Variants in FSTL4 observed in about 807,000 individuals in gnomAD.
The protein encoded by FSTL4 is follistatin like 4, also known as follistatin-related protein 4.
A neutral mutation model predicts 78.2 loss-of-function variants in FSTL4; 28 were observed. The observed-to-expected ratio is 0.36, with a 90% CI of 0.27 to 0.49. The LOEUF (loss-of-function observed/expected upper bound fraction) is 0.49, where lower values mean the gene tolerates loss of function less well. FSTL4 is among the 20% of genes least tolerant of loss of function. The pLI, the probability that FSTL4 is intolerant of heterozygous loss-of-function variation, is 0.98. For synonymous variants in FSTL4, 422 were observed against 440.5 expected (o/e 0.96, Z 0.53); for missense variants, 922 against 1,084.9 (o/e 0.85, Z 2.11).
At chr5:133,205,199 CT>C (rs1750457531) in intron 14 of FSTL4, among the ~76,000 whole-genome samples, 1 of 152,046 alleles carries the variant, frequency 6.6e-6, no homozygotes, top group African/African-American at 2.4e-5. Context: ...TTAAGAATGC[CT>C]GCTGTATTTA....
intron 3 of FSTL4, among the ~76,000 whole-genome samples, chr5:133,433,194 C>T (rs1032557440): frequency 6.6e-6 from 1 of 152,324 alleles, no homozygotes; most frequent in Admixed American, 6.5e-5. Flanking sequence ...TTGGAATTCA[C>T]CAAAACCTGG....
chr5:133,451,418 G>A (rs1477293265), intron 3 of FSTL4, among the ~76,000 whole-genome samples: 2 of 152,026 alleles, frequency 1.3e-5, no homozygotes, highest in Non-Finnish European at 2.9e-5. Flanking sequence ...AAAATTAGCT[G>A]GGCATGGTGG....
At chr5:133,806,762 C>T in the FSTL4 span, among the ~76,000 whole-genome samples, 1 of 152,178 alleles carries the variant, frequency 6.6e-6, no homozygotes, top group Non-Finnish European at 1.5e-5. Context: ...CTGGTATTAG[C>T]TTCTGGTACC....
intron 3 of FSTL4, among the ~76,000 whole-genome samples, chr5:133,496,092 C>T (rs1487465071): frequency 6.6e-6 from 1 of 152,178 alleles, no homozygotes; most frequent in Non-Finnish European, 1.5e-5. Context: ...AGCACATAAC[C>T]TGAGATTCCA....
the FSTL4 span, among the ~76,000 whole-genome samples, chr5:133,744,346 TC>T: frequency 6.6e-6 from 1 of 152,204 alleles, no homozygotes; most frequent in East Asian, 1.9e-4. Context: ...TTCTGTGGTT[TC>T]TAGTCCTTGC....
intron 3 of FSTL4, among the ~76,000 whole-genome samples, chr5:133,470,122 A>G (rs796168590): frequency 6.6e-6 from 1 of 152,162 alleles, no homozygotes; most frequent in South Asian, 2.1e-4. Context: ...GCCAGCTGAC[A>G]GGCCCTGCCC....
intron 6 of FSTL4, among the ~76,000 whole-genome samples, chr5:133,272,805 A>G (rs1049109819): frequency 2.6e-5 from 4 of 152,276 alleles, no homozygotes; most frequent in African/African-American, 9.6e-5. Flanking sequence ...CAACAGATCT[A>G]TAACTGTTTC....
chr5:133,554,326 A>C (rs575922174), intron 3 of FSTL4, among the ~76,000 whole-genome samples: 1 of 152,308 alleles, frequency 6.6e-6, no homozygotes, highest in African/African-American at 2.4e-5. Flanking sequence ...AGTCATCTAC[A>C]TGGGCCTCTG....
At chr5:133,235,963 A>G (rs1478344215) in intron 7 of FSTL4, among the ~76,000 whole-genome samples, 1 of 152,152 alleles carries the variant, frequency 6.6e-6, no homozygotes, top group African/African-American at 2.4e-5. Context: ...GTGAGATGGC[A>G]TCCTGAAATG....
intron 3 of FSTL4, among the ~76,000 whole-genome samples, chr5:133,488,652 A>G (rs1035765126): frequency 2.6e-5 from 4 of 152,244 alleles, no homozygotes; most frequent in African/African-American, 9.6e-5. Flanking sequence ...GATGAGAAAT[A>G]TGCTATTAAA....
chr5:133,302,310 T>C (rs1211267317), intron 6 of FSTL4, among the ~76,000 whole-genome samples: 1 of 152,152 alleles, frequency 6.6e-6, no homozygotes, highest in Non-Finnish European at 1.5e-5. Flanking sequence ...AGGCTGCACT[T>C]GTGATGACCT....
chr5:133,473,348 G>A (rs1258389249), intron 3 of FSTL4, among the ~76,000 whole-genome samples: 1 of 152,174 alleles, frequency 6.6e-6, no homozygotes, highest in East Asian at 1.9e-4. Flanking sequence ...TAGAATGCTT[G>A]GCCCTTTGGT....
At chr5:133,710,096 A>G in the FSTL4 span, among the ~76,000 whole-genome samples, 1 of 152,184 alleles carries the variant, frequency 6.6e-6, no homozygotes, top group African/African-American at 2.4e-5. Context: ...GCCATGAGGC[A>G]GGGGTCAGCC....
chr5:133,493,829 T>C (rs1226185774), intron 3 of FSTL4, among the ~76,000 whole-genome samples: 3 of 152,244 alleles, frequency 2.0e-5, no homozygotes, highest in African/African-American at 7.2e-5. Flanking sequence ...TCTATATGTT[T>C]GGATTGAGGA....
chr5:133,755,436 C>T, the FSTL4 span, among the ~76,000 whole-genome samples: 2 of 152,190 alleles, frequency 1.3e-5, no homozygotes, highest in Admixed American at 6.5e-5. Context: ...CCTCCACCAG[C>T]TCTCTTGGCT....
intron 6 of FSTL4, among the ~76,000 whole-genome samples, chr5:133,261,354 TG>T (rs1427868956): frequency 2.3e-4 from 35 of 152,288 alleles, no homozygotes; most frequent in Admixed American, 1.4e-3. Flanking sequence ...GGAAAGGATG[TG>T]AGTTTTAAGA....
the FSTL4 span, among the ~76,000 whole-genome samples, chr5:133,661,313 C>T: frequency 2.0e-5 from 3 of 152,296 alleles, no homozygotes; most frequent in South Asian, 6.2e-4. Flanking sequence ...TTACCGCTTA[C>T]TGTCACTATG....
intron 4 of FSTL4, among the ~76,000 whole-genome samples, chr5:133,368,932 T>G (rs1447357459): frequency 6.6e-6 from 1 of 152,256 alleles, no homozygotes; most frequent in African/African-American, 2.4e-5. Flanking sequence ...CTTTTCCTAG[T>G]GCCAACTGGC....
the FSTL4 span, among the ~76,000 whole-genome samples, chr5:133,655,736 G>A: frequency 6.6e-6 from 1 of 152,186 alleles, no homozygotes; most frequent in Admixed American, 6.5e-5. Flanking sequence ...AGGGAAGAGA[G>A]AGGAACAAAG....
Sources: gnomAD v4.1 joint callset for allele counts (sites outside exome capture counted in the v4.1 genomes callset) on GRCh38, gnomAD v4.1.1 for gene constraint, MANE v1.5 for transcripts, NCBI Gene and HGNC (gene_info 2026-07-23, HGNC 2026-07-21) for gene names.